THRB: variants seen among roughly 807,000 people sequenced by gnomAD.
THRB encodes the protein thyroid hormone receptor beta, also known as nuclear receptor subfamily 1 group A member 2.
A neutral mutation model predicts 47.8 loss-of-function variants in THRB; 12 were observed. The ratio of observed to expected loss-of-function variants is 0.25; its 90% CI spans 0.16 to 0.41. The LOEUF (loss-of-function observed/expected upper bound fraction) is 0.41. Ranked by LOEUF, THRB falls within the 10% of genes least tolerant of loss-of-function variation. THRB has a pLI of 1.00. For missense variants in THRB, 348 were observed against 589.2 expected, an observed-to-expected ratio of 0.59 and a Z score of 4.24; for synonymous variants, 218 against 212.2, an observed-to-expected ratio of 1.03 and a Z score of -0.24.
chr3:24,192,646 C>T (rs1308972869), intron 4 of THRB, among the ~76,000 whole-genome samples: 1 of 152,104 alleles, frequency 6.6e-6, no homozygotes, highest in Non-Finnish European at 1.5e-5. Flanking sequence ...AGGACATTGC[C>T]CCTTAAAGTG....
chr3:24,316,735 C>A (rs192987189), intron 2 of THRB, among the ~76,000 whole-genome samples: 8 of 152,242 alleles, frequency 5.3e-5, no homozygotes, highest in Admixed American at 1.3e-4. Flanking sequence ...ACATACAAGA[C>A]CCCCGCTCCC....
At chr3:24,298,324 A>G (rs1294562541) in intron 2 of THRB, among the ~76,000 whole-genome samples, 1 of 152,216 alleles carries the variant, frequency 6.6e-6, no homozygotes, top group African/African-American at 2.4e-5. Context: ...CCTTCTAGGT[A>G]CTATCCACGC....
chr3:24,218,854 C>G (rs78205956), intron 4 of THRB, among the ~76,000 whole-genome samples: 1 of 152,078 alleles, frequency 6.6e-6, no homozygotes, highest in Non-Finnish European at 1.5e-5. Flanking sequence ...TCTCTTCAGA[C>G]CCCAAAATGG....
rs576221715 is a variant in THRB, at chr3:24,450,298, A to T, written c.-261+44354T>A. On this transcript the variant is annotated intron_variant, in intron 1 of 10. Coordinates refer to ENST00000646209, the MANE Select transcript of THRB (RefSeq NM_001354712.2). ...CACTCAAAAAGAAATTCCTGCAGAG[A>T]GGCAGGTAAATGGACAGCACGATTT... 3.3e-5 allele frequency among the ~76,000 whole-genome samples: 5 copies of T among 152,332 alleles called. No homozygotes were observed. In the South Asian group the frequency reaches 6.2e-4, roughly 19 times the overall value.
chr3:24,169,310 T>C (rs552841058), intron 5 of THRB, among the ~76,000 whole-genome samples: 2 of 152,278 alleles, frequency 1.3e-5, no homozygotes, highest in South Asian at 4.1e-4. Context: ...AGACAACTGG[T>C]GCATTCCATT....
At chr3:24,169,141 C>T (rs1201808330) in intron 5 of THRB, among the ~76,000 whole-genome samples, 7 of 152,052 alleles carry the variant, frequency 4.6e-5, no homozygotes, top group South Asian at 2.1e-4. Context: ...GTAATTGAAC[C>T]GCTAAATTTT....
Position 24,278,192 on chromosome 3 carries a change from A to G in THRB, c.-43+19034T>C, listed in dbSNP as rs1228074867. Reference sequence around the variant, plus strand: ...TGCAAGTACATTTGTTCACTCTCTCACTAATTATTATTTATTTGATAAAAT... The same window carrying G: ...TGCAAGTACATTTGTTCACTCTCTCGCTAATTATTATTTATTTGATAAAAT... On this transcript the variant is annotated intron_variant, in intron 3 of 10. Transcript: ENST00000646209. 2.0e-5 allele frequency among the ~76,000 whole-genome samples: 3 copies of G among 152,198 alleles called. No homozygotes were observed. In the East Asian group the frequency reaches 5.8e-4, roughly 29 times the overall value.
intron 1 of THRB, among the ~76,000 whole-genome samples, chr3:24,376,938 A>T (rs1348756042): frequency 6.6e-6 from 1 of 150,490 alleles, no homozygotes; most frequent in East Asian, 1.9e-4. Context: ...TATCTGTCTC[A>T]TACTTTTTTT....
intron 1 of THRB, among the ~76,000 whole-genome samples, chr3:24,388,677 G>A (rs1040067969): frequency 6.6e-6 from 1 of 152,146 alleles, no homozygotes; most frequent in African/African-American, 2.4e-5. Context: ...TGGCTACACT[G>A]TGTGACAGTC....
chr3:24,135,860 ATAT>A (rs1233987617), intron 8 of THRB, among the ~76,000 whole-genome samples: 3 of 139,936 alleles, frequency 2.1e-5, no homozygotes, highest in Admixed American at 2.1e-4. Flanking sequence ...ACATAAATAT[ATAT>A]TAATTACATA....
intron 2 of THRB, among the ~76,000 whole-genome samples, chr3:24,334,222 C>A (rs938438630): frequency 6.6e-6 from 1 of 151,270 alleles, no homozygotes; most frequent in Non-Finnish European, 1.5e-5. Context: ...ATAGTTCTTG[C>A]CCGTTGAAAG....
chr3:24,495,638 AT>A (rs897475547), upstream of THRB: 3 of 152,242 alleles, frequency 2.0e-5, no homozygotes, highest in Admixed American at 6.5e-5. Context: ...AGAGGAAAGA[AT>A]GGGGAACGAG....
chr3:24,480,855 GC>G, intron 1 of THRB, among the ~76,000 whole-genome samples: 1 of 152,282 alleles, frequency 6.6e-6, no homozygotes, highest in Middle Eastern at 3.4e-3. Context: ...AGAAAGCCAG[GC>G]ATTGTGAAAG....
intron 1 of THRB, among the ~76,000 whole-genome samples, chr3:24,387,491 C>T (rs955080278): frequency 1.3e-5 from 2 of 152,084 alleles, no homozygotes; most frequent in Admixed American, 1.3e-4. Flanking sequence ...CCTCCCAAAA[C>T]AACACTTCTG....
chr3:24,436,567 G>T (rs2070978928), intron 1 of THRB, among the ~76,000 whole-genome samples: 1 of 152,138 alleles, frequency 6.6e-6, no homozygotes, highest in Non-Finnish European at 1.5e-5. Context: ...CAAGAGCAAT[G>T]AGTGCTTTTT....
chr3:24,392,935 G>C (rs2066686479), intron 1 of THRB, among the ~76,000 whole-genome samples: 1 of 151,900 alleles, frequency 6.6e-6, no homozygotes, highest in South Asian at 2.1e-4. Flanking sequence ...TTTTTAAAAG[G>C]ACATATATAA....
chr3:24,220,828 A>G (rs2047085478), intron 4 of THRB, among the ~76,000 whole-genome samples: 1 of 151,928 alleles, frequency 6.6e-6, no homozygotes, highest in African/African-American at 2.4e-5. Flanking sequence ...AAGAAACATA[A>G]TCACCATTTG....
chr3:24,189,088 T>A (rs2043010288), intron 5 of THRB, among the ~76,000 whole-genome samples: 2 of 151,958 alleles, frequency 1.3e-5, no homozygotes, highest in Non-Finnish European at 2.9e-5. Flanking sequence ...AGTTCTTTTA[T>A]ATGAAGGATA....
At chr3:24,173,557 C>G (rs1280499166) in intron 5 of THRB, among the ~76,000 whole-genome samples, 1 of 152,184 alleles carries the variant, frequency 6.6e-6, no homozygotes, top group African/African-American at 2.4e-5. Flanking sequence ...GGACATAATA[C>G]TATCACAACA....
Sources: gnomAD v4.1 joint callset for allele counts (sites outside exome capture counted in the v4.1 genomes callset) on GRCh38, gnomAD v4.1.1 for gene constraint, MANE v1.5 for transcripts, NCBI Gene and HGNC (gene_info 2026-07-23, HGNC 2026-07-21) for gene names.